Variants in CHCHD3 observed in about 807,000 individuals in gnomAD.
The protein encoded by CHCHD3 is coiled-coil-helix-coiled-coil-helix domain containing 3.
CHCHD3 carries 20 observed loss-of-function variants against 38.2 expected under a neutral mutation model. That is an observed-to-expected ratio of 0.52 (90% CI 0.37 to 0.76). CHCHD3 has a LOEUF of 0.76. CHCHD3 is among the 30% of genes least tolerant of loss of function. The pLI is 0.00. For missense variants in CHCHD3, 245 were observed against 279.2 expected, an observed-to-expected ratio of 0.88 and a Z score of 0.87; for synonymous variants, 82 against 100.0, an observed-to-expected ratio of 0.82 and a Z score of 1.07.
At chr7:133,036,310 A>G (rs1370353314) in intron 2 of CHCHD3, among the ~76,000 whole-genome samples, 2 of 152,234 alleles carry the variant, frequency 1.3e-5, no homozygotes, top group Admixed American at 6.5e-5. Context: ...GGAATTTAAC[A>G]GGAAGAAATT....
chr7:132,903,658 T>A (rs894665955), intron 4 of CHCHD3, among the ~76,000 whole-genome samples: 22 of 152,228 alleles, frequency 1.4e-4, no homozygotes. Context: ...GTCAGAATAT[T>A]CTTAACTACC....
At chr7:132,973,868 C>A in intron 4 of CHCHD3, 1 of 1,168,032 alleles carries the variant, frequency 8.6e-7, no homozygotes, top group Non-Finnish European at 1.1e-6. Context: ...CAAAGTTCTC[C>A]ATTCCATGGT....
At chr7:132,910,143 C>T (rs1042449712) in intron 4 of CHCHD3, among the ~76,000 whole-genome samples, 10 of 152,150 alleles carry the variant, frequency 6.6e-5, no homozygotes, top group African/African-American at 2.4e-4. Context: ...AACTGTGGGA[C>T]TTAAATATGC....
intron 2 of CHCHD3, chr7:133,036,119 A>C (rs1813667465): frequency 3.3e-6 from 2 of 612,592 alleles, no homozygotes; most frequent in Non-Finnish European, 5.9e-6. Flanking sequence ...TTCTTACCAA[A>C]CCCTCCCCAA....
At chr7:132,900,580 A>T (rs771045873) in intron 4 of CHCHD3, among the ~76,000 whole-genome samples, 4 of 152,240 alleles carry the variant, frequency 2.6e-5, no homozygotes, top group African/African-American at 4.8e-5. Context: ...CTGACCCAGA[A>T]TGGAAAAAAA....
intron 1 of CHCHD3, among the ~76,000 whole-genome samples, chr7:133,073,989 T>C (rs2117546689): frequency 6.6e-6 from 1 of 152,266 alleles, no homozygotes; most frequent in South Asian, 2.1e-4. Flanking sequence ...AGTCTAAACA[T>C]CCAAGCCTTC....
intron 5 of CHCHD3, among the ~76,000 whole-genome samples, chr7:132,877,748 C>T (rs564230675): frequency 1.3e-5 from 2 of 152,108 alleles, no homozygotes; most frequent in South Asian, 2.1e-4. Context: ...GTGTAGCTCT[C>T]GGTAACTATA....
chr7:132,856,426 A>AC (rs1165474651), intron 5 of CHCHD3, among the ~76,000 whole-genome samples: 1 of 152,242 alleles, frequency 6.6e-6, no homozygotes, highest in Non-Finnish European at 1.5e-5. Context: ...TACTTTGAAA[A>AC]AGATTTTTAT....
chr7:132,956,943 C>T (rs868734107), intron 4 of CHCHD3, among the ~76,000 whole-genome samples: 128 of 152,250 alleles, frequency 8.4e-4, no homozygotes, highest in African/African-American at 2.7e-3. Flanking sequence ...TTCTGAAGAG[C>T]GATCTACCCC....
At chr7:133,079,282 C>T (rs1003454719) in intron 1 of CHCHD3, among the ~76,000 whole-genome samples, 1 of 152,170 alleles carries the variant, frequency 6.6e-6, no homozygotes, top group Non-Finnish European at 1.5e-5. Context: ...AGACACTGTG[C>T]TAGATATACA....
chr7:132,858,846 C>T (rs748151839), intron 5 of CHCHD3, among the ~76,000 whole-genome samples: 10 of 152,172 alleles, frequency 6.6e-5, no homozygotes, highest in Non-Finnish European at 1.5e-4. Flanking sequence ...GATCCCAGGA[C>T]ATGCGCTTTA....
intron 1 of CHCHD3, among the ~76,000 whole-genome samples, chr7:133,070,961 G>C (rs1242676365): frequency 3.4e-4 from 52 of 152,162 alleles, no homozygotes; most frequent in Admixed American, 3.3e-3. Context: ...AGATGCAGTA[G>C]GATGAAAGTG....
At chr7:133,053,790 C>T (rs1814235397) in intron 2 of CHCHD3, among the ~76,000 whole-genome samples, 1 of 152,186 alleles carries the variant, frequency 6.6e-6, no homozygotes, top group Admixed American at 6.5e-5. Flanking sequence ...ATGATGATCT[C>T]ATTCAAGATT....
chr7:132,803,632 T>C (rs1483496687), intron 6 of CHCHD3, among the ~76,000 whole-genome samples: 1 of 151,866 alleles, frequency 6.6e-6, no homozygotes. Context: ...TGAGGGTTGG[T>C]TGGTTCATTT....
At chr7:132,909,675 G>A (rs917177892) in intron 4 of CHCHD3, among the ~76,000 whole-genome samples, 1 of 152,220 alleles carries the variant, frequency 6.6e-6, no homozygotes, top group Non-Finnish European at 1.5e-5. Context: ...AGAAGTGAAA[G>A]GGATTGGCAC....
At chr7:133,054,814 T>C (rs1814269532) in intron 2 of CHCHD3, among the ~76,000 whole-genome samples, 2 of 152,252 alleles carry the variant, frequency 1.3e-5, no homozygotes, top group South Asian at 4.1e-4. Flanking sequence ...TCAAACATGT[T>C]TTTGAAGTGG....
At chr7:133,010,740 G>A (rs1812846125) in intron 3 of CHCHD3, among the ~76,000 whole-genome samples, 1 of 151,968 alleles carries the variant, frequency 6.6e-6, no homozygotes, top group Non-Finnish European at 1.5e-5. Context: ...CACCATACCT[G>A]GCTAATTTTT....
chr7:132,950,772 G>T (rs1011181527), intron 4 of CHCHD3, among the ~76,000 whole-genome samples: 6 of 152,110 alleles, frequency 3.9e-5, no homozygotes, highest in Admixed American at 1.3e-4. Flanking sequence ...TTGCTATGTG[G>T]TTTCTTGATT....
chr7:132,916,732 C>T (rs535961555), intron 4 of CHCHD3, among the ~76,000 whole-genome samples: 1 of 152,192 alleles, frequency 6.6e-6, no homozygotes, highest in African/African-American at 2.4e-5. Flanking sequence ...CCAGTGTGCA[C>T]CATCATGCCC....
Sources: gnomAD v4.1 joint callset for allele counts (sites outside exome capture counted in the v4.1 genomes callset) on GRCh38, gnomAD v4.1.1 for gene constraint, MANE v1.5 for transcripts, NCBI Gene and HGNC (gene_info 2026-07-23, HGNC 2026-07-21) for gene names.